SEMA6D: variants seen among roughly 807,000 people sequenced by gnomAD.
SEMA6D encodes semaphorin 6D.
In SEMA6D, 35 loss-of-function variants were observed where a neutral mutation model predicts 106.6. That is an observed-to-expected ratio of 0.33 (90% confidence interval 0.25 to 0.44). The LOEUF (loss-of-function observed/expected upper bound fraction) is 0.44, where lower values mean the gene tolerates loss of function less well. Among genes scored for constraint, SEMA6D ranks in the 20% least tolerant of loss-of-function variants. The pLI, the probability that SEMA6D is intolerant of heterozygous loss-of-function variation, is 1.00. For synonymous variants in SEMA6D, 499 were observed against 487.7 expected (o/e 1.02, Z -0.31); for missense variants, 1,185 against 1,345.9 (o/e 0.88, Z 1.87).
At chr15:47,312,770 T>G (rs1179093351) in intron 1 of SEMA6D, among the ~76,000 whole-genome samples, 1 of 152,336 alleles carries the variant, frequency 6.6e-6, no homozygotes, top group Admixed American at 6.5e-5. Context: ...TTTAAATGTA[T>G]ACTCAGTATA....
chr15:47,219,830 C>A (rs569076495), intron 1 of SEMA6D, among the ~76,000 whole-genome samples: 1 of 152,288 alleles, frequency 6.6e-6, no homozygotes, highest in African/African-American at 2.4e-5. Flanking sequence ...CTGGTCTTGG[C>A]TAGACTTCTT....
At chr15:47,532,880 C>T (rs1330614602) in intron 3 of SEMA6D, among the ~76,000 whole-genome samples, 1 of 152,072 alleles carries the variant, frequency 6.6e-6, no homozygotes, top group Non-Finnish European at 1.5e-5. Flanking sequence ...CTTTTGTTGG[C>T]ATGTGTATAA....
chr15:47,698,487 G>A (rs1190861558), intron 4 of SEMA6D, among the ~76,000 whole-genome samples: 1 of 152,126 alleles, frequency 6.6e-6, no homozygotes, highest in Admixed American at 6.6e-5. Flanking sequence ...TCCTACCAGG[G>A]AAATCTTCTC....
intron 3 of SEMA6D, among the ~76,000 whole-genome samples, chr15:47,549,047 G>A (rs1289614552): frequency 6.6e-6 from 1 of 152,070 alleles, no homozygotes. Flanking sequence ...ACTTTTACCT[G>A]AATCAGTTCA....
chr15:47,649,238 TAGAC>T (rs1368365808), intron 4 of SEMA6D, among the ~76,000 whole-genome samples: 1 of 152,094 alleles, frequency 6.6e-6, no homozygotes, highest in African/African-American at 2.4e-5. Flanking sequence ...TTGAGCCAGA[TAGAC>T]AGATGGAAGA....
chr15:47,380,431 C>T (rs2039597665), intron 1 of SEMA6D: 1 of 152,126 alleles, frequency 6.6e-6, no homozygotes, highest in Non-Finnish European at 1.5e-5. Context: ...TTTATTTTTC[C>T]CCCAAAACGT....
At chr15:47,258,981 T>C (rs1411642805) in intron 1 of SEMA6D, among the ~76,000 whole-genome samples, 1 of 152,150 alleles carries the variant, frequency 6.6e-6, no homozygotes, top group Non-Finnish European at 1.5e-5. Context: ...TTTTTGAGTG[T>C]ATATTTTTGT....
intron 1 of SEMA6D, among the ~76,000 whole-genome samples, chr15:47,316,675 G>A (rs556287865): frequency 6.8e-6 from 1 of 146,480 alleles, no homozygotes; most frequent in East Asian, 2.2e-4. Flanking sequence ...CTGCTGATAT[G>A]GTCATTGATT....
intron 2 of SEMA6D, among the ~76,000 whole-genome samples, chr15:47,427,638 A>G (rs1401645310): frequency 6.6e-6 from 1 of 152,144 alleles, no homozygotes; most frequent in Non-Finnish European, 1.5e-5. Context: ...GACCTTGGGG[A>G]TACCATTTAA....
At chr15:47,531,673 C>G (rs1373723324) in intron 3 of SEMA6D, among the ~76,000 whole-genome samples, 2 of 152,174 alleles carry the variant, frequency 1.3e-5, no homozygotes, top group Non-Finnish European at 2.9e-5. Flanking sequence ...AGTCTCCCCC[C>G]AGACTCATCC....
At chr15:47,391,766 AG>A in intron 1 of SEMA6D, among the ~76,000 whole-genome samples, 1 of 152,034 alleles carries the variant, frequency 6.6e-6, no homozygotes, top group Non-Finnish European at 1.5e-5. Flanking sequence ...GAAGTATGCA[AG>A]GGTCATTAGA....
At chr15:47,708,957 A>C (rs1284801972) in intron 4 of SEMA6D, among the ~76,000 whole-genome samples, 2 of 151,464 alleles carry the variant, frequency 1.3e-5, no homozygotes, top group African/African-American at 2.4e-5. Context: ...ATAAAATTAA[A>C]TAGTAAATTT....
chr15:47,242,395 G>C (rs1272809242), intron 1 of SEMA6D, among the ~76,000 whole-genome samples: 1 of 152,132 alleles, frequency 6.6e-6, no homozygotes, highest in Non-Finnish European at 1.5e-5. Flanking sequence ...ACAGCCACAG[G>C]ATCCTCAAAG....
At position 47,583,400 on chromosome 15, in the gene SEMA6D, C is replaced by T. The variant is rs962219224; in HGVS notation, c.-86-17465C>T. Among the ~76,000 whole-genome samples, 15 of 152,296 alleles carry T rather than the reference C, an allele frequency of 9.8e-5. No individual in the cohort carries two copies. The South Asian group carries it at 3.1e-3, about 32-fold the overall frequency. ...AGTCTGGCCTCAGAGCAAGGGGCAT[C>T]TTCTGCTCGTGAGACCATTCAAGGA... On this transcript the variant is annotated intron_variant, in intron 3 of 19. Coordinates refer to the SEMA6D transcript ENST00000558014.
chr15:47,354,783 C>T (rs903510435), intron 1 of SEMA6D, among the ~76,000 whole-genome samples: 2 of 151,986 alleles, frequency 1.3e-5, no homozygotes, highest in African/African-American at 4.8e-5. Flanking sequence ...CTACAACAGG[C>T]CTTGCAATCC....
chr15:47,696,751 T>G (rs1463869662), intron 4 of SEMA6D, among the ~76,000 whole-genome samples: 3 of 152,196 alleles, frequency 2.0e-5, no homozygotes, highest in African/African-American at 7.2e-5. Flanking sequence ...GTGACACAGC[T>G]GAGCATTTGG....
intron 4 of SEMA6D, among the ~76,000 whole-genome samples, chr15:47,637,338 T>G (rs2077407520): frequency 6.6e-6 from 1 of 152,218 alleles, no homozygotes; most frequent in South Asian, 2.1e-4. Context: ...CTACCCATGT[T>G]TCGTTCATCA....
At chr15:47,648,479 A>AGAATGAATGAATGAAT (rs112820950) in intron 4 of SEMA6D, among the ~76,000 whole-genome samples, 4,898 of 151,040 alleles carry the variant, frequency 0.032, 269 homozygotes, top group African/African-American at 0.11. Flanking sequence ...ACTGGGTTGG[A>AGAATGAATGAATGAAT]GAATGAATGA....
chr15:47,704,639 A>G (rs2078878137), intron 4 of SEMA6D, among the ~76,000 whole-genome samples: 1 of 152,046 alleles, frequency 6.6e-6, no homozygotes, highest in Non-Finnish European at 1.5e-5. Flanking sequence ...TGAGCCCAGG[A>G]GCTCAATGCT....
Sources: gnomAD v4.1 joint callset for allele counts (sites outside exome capture counted in the v4.1 genomes callset) on GRCh38, gnomAD v4.1.1 for gene constraint, MANE v1.5 for transcripts, NCBI Gene and HGNC (gene_info 2026-07-23, HGNC 2026-07-21) for gene names.